The following ARID4A variants were observed in gnomAD, a reference collection of about 807,000 sequenced individuals.
ARID4A encodes the protein AT-rich interaction domain 4A, also known as AT-rich interactive domain-containing protein 4A.
Under a neutral mutation model 148.6 loss-of-function variants are expected in ARID4A, and 39 were observed. The observed-to-expected ratio is 0.26, with a 90% confidence interval of 0.20 to 0.34. The LOEUF (loss-of-function observed/expected upper bound fraction) is 0.34. ARID4A is among the 10% of genes least tolerant of loss of function. ARID4A has a pLI of 1.00. For missense variants in ARID4A, 1,265 were observed against 1,449.1 expected (o/e 0.87, Z 2.06); for synonymous variants, 475 against 481.2 (o/e 0.99, Z 0.17).
At chr14:58,328,647 A>T (rs2033347939) in intron 9 of ARID4A, among the ~76,000 whole-genome samples, 1 of 151,984 alleles carries the variant, frequency 6.6e-6, no homozygotes, top group Non-Finnish European at 1.5e-5. Flanking sequence ...TCCGAAGCTT[A>T]TTTTTTAATC....
At chr14:58,333,667 T>C (rs1406915696) in intron 11 of ARID4A, among the ~76,000 whole-genome samples, 1 of 152,118 alleles carries the variant, frequency 6.6e-6, no homozygotes. Flanking sequence ...AAATCATAAG[T>C]ACTTGAGTTT....
Position 58,344,785 on chromosome 14 carries a change from A to G in ARID4A, c.979+18A>G, listed in dbSNP as rs779240824. 5.7e-6 allele frequency: 9 copies of G among 1,569,502 alleles called. No homozygotes were observed. The Admixed American group carries it at 8.5e-5, about 15-fold the overall frequency. ...AGACAGAGGTATTTTCATGCTCATT[A>G]TTTTAAAGTAGTCATTTCTTTTTCA... is the stretch of plus-strand genomic sequence containing the variant. On this transcript the variant is annotated intron_variant, in intron 12 of 23. Transcript: ENST00000355431.
chr14:58,303,101 A>C (rs1400896654), intron 3 of ARID4A, among the ~76,000 whole-genome samples: 2 of 152,162 alleles, frequency 1.3e-5, no homozygotes, highest in Non-Finnish European at 2.9e-5. Flanking sequence ...GCTTATTATA[A>C]ACATTTTTAA....
chr14:58,339,730 A>G (rs1198859616), intron 11 of ARID4A, among the ~76,000 whole-genome samples: 1 of 152,106 alleles, frequency 6.6e-6, no homozygotes, highest in Non-Finnish European at 1.5e-5. Context: ...AAAGAGGTTT[A>G]ATTGACTCAC....
At position 58,365,315 on chromosome 14, in the gene ARID4A, G is replaced by T; in HGVS notation, c.3211+15G>T. 6.3e-7 allele frequency: 1 copy of T among 1,590,504 alleles called. No individual in the cohort carries two copies. On this transcript the variant is annotated intron_variant, in intron 20 of 23. Transcript: ENST00000355431. ...CAGAGAGAAGGGTAAGGACTTTCTAGGGAAAAGTAAGTGTTTATATGAAAC... is the reference window on the plus strand; with the variant it reads ...CAGAGAGAAGGGTAAGGACTTTCTATGGAAAAGTAAGTGTTTATATGAAAC...
At position 58,372,232 on chromosome 14, in the gene ARID4A, T is replaced by C. The variant is rs1427454312; in HGVS notation, c.*243T>C. 2 of 411,098 alleles carry C rather than the reference T, an allele frequency of 4.9e-6. No individual in the cohort carries two copies. Among genetic ancestry groups the C allele is most frequent in the African/African-American group, 2.0e-5 (1 of 49,764 alleles). 25.5% of individuals were successfully genotyped at this position (411,098 alleles called of 1,614,324 possible). A position where few individuals can be genotyped will look rare whatever the true frequency, so the allele number is the denominator to read the frequency against. ...TGTCATAATTTTTCCTCTTTACTTT[T>C]GTTTTTCGTTTGTTGTGATATAGAA... On this transcript the variant is annotated 3_prime_UTR_variant, in exon 24 of 24. Coordinates refer to ENST00000355431, the MANE Select transcript of ARID4A (RefSeq NM_002892.4).
At chr14:58,350,808 T>G (rs1446450595) in intron 15 of ARID4A, among the ~76,000 whole-genome samples, 1 of 152,160 alleles carries the variant, frequency 6.6e-6, no homozygotes, top group Non-Finnish European at 1.5e-5. Flanking sequence ...TTTTTTGTTG[T>G]TGTTGTTTAC....
intron 23 of ARID4A, among the ~76,000 whole-genome samples, chr14:58,371,606 T>C (rs553647906): frequency 1.3e-5 from 2 of 152,306 alleles, no homozygotes; most frequent in African/African-American, 2.4e-5. Flanking sequence ...AGTTCCTTCA[T>C]GGGATCTCCC....
chr14:58,359,029 A>G (rs1172352187), intron 17 of ARID4A, 103 bp from the exon 18 acceptor site: 2 of 1,286,708 alleles, frequency 1.6e-6, no homozygotes, highest in Non-Finnish European at 1.1e-6. Flanking sequence ...AGAACAAACT[A>G]TTTAATCTGT....
intron 3 of ARID4A, among the ~76,000 whole-genome samples, chr14:58,304,246 A>G (rs1435127885): frequency 9.2e-5 from 14 of 152,166 alleles, no homozygotes; most frequent in Admixed American, 9.2e-4. Context: ...CATGTCAGCT[A>G]TATAGGATTT....
At chr14:58,306,291 A>G (rs2031591683) in intron 5 of ARID4A, among the ~76,000 whole-genome samples, 179 bp downstream of exon 5, 2 of 152,228 alleles carry the variant, frequency 1.3e-5, no homozygotes, top group African/African-American at 4.8e-5. Context: ...ATTATCTCTT[A>G]CAGTAAGTTG....
chr14:58,342,961 T>TA (rs1181274613), intron 11 of ARID4A, among the ~76,000 whole-genome samples: 2 of 152,122 alleles, frequency 1.3e-5, no homozygotes, highest in African/African-American at 4.8e-5. Flanking sequence ...GAGAGAATAT[T>TA]ACGATTACAG....
intron 3 of ARID4A, among the ~76,000 whole-genome samples, chr14:58,304,130 A>C (rs762268316): frequency 6.6e-6 from 1 of 151,886 alleles, no homozygotes; most frequent in Non-Finnish European, 1.5e-5. Context: ...AGATGTATCT[A>C]TGATTATTAT....
intron 15 of ARID4A, among the ~76,000 whole-genome samples, chr14:58,349,172 A>G (rs76379029): frequency 3.9e-5 from 6 of 152,178 alleles, no homozygotes; most frequent in African/African-American, 1.4e-4. Context: ...GTTGTAGCAC[A>G]TATCAGAATT....
chr14:58,349,606 C>G (rs760754702), intron 15 of ARID4A, among the ~76,000 whole-genome samples: 4 of 152,118 alleles, frequency 2.6e-5, no homozygotes, highest in Admixed American at 6.5e-5. Flanking sequence ...CCCAGCTACT[C>G]AGGACGCTGA....
At chr14:58,339,736 C>G (rs1037809360) in intron 11 of ARID4A, among the ~76,000 whole-genome samples, 1 of 152,036 alleles carries the variant, frequency 6.6e-6, no homozygotes, top group Non-Finnish European at 1.5e-5. Flanking sequence ...GTTTAATTGA[C>G]TCACAGTTCC....
At chr14:58,356,267 C>T (rs947411171) in intron 17 of ARID4A, among the ~76,000 whole-genome samples, 2 of 152,188 alleles carry the variant, frequency 1.3e-5, no homozygotes, top group Non-Finnish European at 2.9e-5. Context: ...TTGTCTGATA[C>T]CTCCTATGGA....
At chr14:58,369,203 G>T (rs1470234765) in intron 23 of ARID4A, among the ~76,000 whole-genome samples, 6 of 152,142 alleles carry the variant, frequency 3.9e-5, no homozygotes, top group Non-Finnish European at 8.8e-5. Flanking sequence ...AGAGGAAGTT[G>T]TCATCAAAGA....
intron 5 of ARID4A, among the ~76,000 whole-genome samples, chr14:58,311,479 G>A (rs138513017): frequency 5.6e-4 from 85 of 152,254 alleles, no homozygotes; most frequent in East Asian, 3.3e-3. Flanking sequence ...ATCCTTGCCC[G>A]CCATTGGTGG....
Sources: allele counts gnomAD v4.1 joint callset (sites outside exome capture counted in the v4.1 genomes callset), GRCh38; gene constraint gnomAD v4.1.1; transcripts MANE v1.5; gene names NCBI Gene and HGNC (gene_info 2026-07-23, HGNC 2026-07-21).